PCDHA11: variants seen among roughly 807,000 people sequenced by gnomAD.
The protein encoded by PCDHA11 is protocadherin alpha 11.
A neutral mutation model predicts 70.3 loss-of-function variants in PCDHA11; 61 were observed. The ratio of observed to expected loss-of-function variants is 0.87; its 90% CI spans 0.71 to 1.07. The LOEUF (loss-of-function observed/expected upper bound fraction) is 1.07, where lower values mean the gene tolerates loss of function less well. Among genes scored for constraint, PCDHA11 ranks in the 50% least tolerant of loss-of-function variants. The pLI is 0.00. For missense variants in PCDHA11, 1,324 were observed against 1,237.5 expected (o/e 1.07, Z -1.05); for synonymous variants, 633 against 555.1 (o/e 1.14, Z -1.97).
At chr5:140,904,818 G>A (rs1186696681) in intron 1 of PCDHA11, among the ~76,000 whole-genome samples, 1 of 152,070 alleles carries the variant, frequency 6.6e-6, no homozygotes, top group Non-Finnish European at 1.5e-5. Flanking sequence ...GTGATGTTGA[G>A]CATTTTTTTA....
intron 1 of PCDHA11, among the ~76,000 whole-genome samples, chr5:140,923,304 G>A (rs933906504): frequency 6.6e-6 from 1 of 152,172 alleles, no homozygotes; most frequent in African/African-American, 2.4e-5. Context: ...TGGGCGTGGG[G>A]GCGCTTGGCC....
chr5:140,883,394 G>T, intron 1 of PCDHA11: 2 of 1,614,124 alleles, frequency 1.2e-6, no homozygotes, highest in South Asian at 2.2e-5. Context: ...CAGTGTGTCC[G>T]ATCGTGACTC....
At chr5:140,950,549 G>A (rs1023288540) in intron 1 of PCDHA11, among the ~76,000 whole-genome samples, 1 of 151,948 alleles carries the variant, frequency 6.6e-6, no homozygotes, top group African/African-American at 2.4e-5. Context: ...TGCATGGCTG[G>A]GGGGACACTT....
intron 1 of PCDHA11, chr5:140,929,259 G>A (rs782558603): frequency 4.7e-5 from 76 of 1,612,754 alleles, no homozygotes; most frequent in Non-Finnish European, 6.2e-5. Context: ...GGGTAGGACT[G>A]AATTTGCCAA....
intron 1 of PCDHA11, chr5:140,929,152 T>TA (rs1322546333): frequency 2.5e-6 from 4 of 1,614,072 alleles, no homozygotes; most frequent in Non-Finnish European, 3.4e-6. Flanking sequence ...TTCTCAGACT[T>TA]ATCTCTATCG....
chr5:140,979,048 C>T, intron 2 of PCDHA11, 41 bp downstream of exon 2: 2 of 1,611,774 alleles, frequency 1.2e-6, no homozygotes, highest in East Asian at 2.2e-5. Context: ...GTAACCTTAA[C>T]TTGGTATGGC....
At chr5:140,927,827 C>T (rs1554205116) in intron 1 of PCDHA11, 2 of 1,614,100 alleles carry the variant, frequency 1.2e-6, no homozygotes, top group South Asian at 2.2e-5. Flanking sequence ...TACATTGAGG[C>T]GAGGGACGAA....
rs376556447 is a variant in PCDHA11 at position 140,885,103 on chromosome 5, CT to C, written c.2391+13616del. On this transcript the variant is annotated intron_variant, in intron 1 of 3. Transcript: ENST00000398640. The stretch of plus-strand genomic sequence containing the variant: ...AGCCCCATAACTTTTCACATAAATG[CT>C]TTTTTTAAGTGCACTTTTCTTTCTT... Among the ~76,000 whole-genome samples the C allele has an allele frequency of 4.5e-3, 686 of 152,136 alleles. 2 individuals are homozygous for C. Among genetic ancestry groups the C allele is most frequent in the African/African-American group, 0.016 (664 of 41,518 alleles).
chr5:140,968,652 A>G, intron 1 of PCDHA11: 1 of 1,614,118 alleles, frequency 6.2e-7, no homozygotes, highest in Non-Finnish European at 8.5e-7. Context: ...CAGACTTCTG[A>G]CCTGGACCTC....
chr5:140,871,352 C>CT lies in PCDHA11; in HGVS notation c.2249_2250insT (p.Gln751AlafsTer10). The CT allele has an allele frequency of 6.2e-7, 1 of 1,614,210 alleles. No individual in the cohort carries two copies. The highest frequency in any genetic ancestry group is 1.1e-5 in the South Asian group (1 of 91,088). The stretch of plus-strand genomic sequence containing the variant: ...CGCGCGGTGGGGAGCTGGTCATACT[C>CT]GCAGCAGAGGCGGCAGAGGGTGTGC... On this transcript the variant is annotated frameshift_variant, in exon 1 of 4. Transcript: ENST00000398640. LOFTEE classifies it high-confidence loss of function.
chr5:140,871,445 A>C lies in PCDHA11; in HGVS notation c.2342A>C (p.Lys781Thr). 6.2e-7 allele frequency: 1 copy of C among 1,609,986 alleles called. No individual in the cohort carries two copies. The highest frequency in any genetic ancestry group is 8.5e-7 in the Non-Finnish European group (1 of 1,177,746). The change falls in exon 1 of 4, where the codon AAA becomes ACA. Residue 781 changes from lysine (K) to threonine (T), a missense_variant. Lys to Thr is a moderately conservative substitution (Grantham distance 78). Transcript: ENST00000398640. Reference sequence around the variant, plus strand: ...CCCAGTCTTCCTCTAGGTCTGAATAAAGAGGAGGAAGGGGAAAGACAGGAG... The same window carrying C: ...CCCAGTCTTCCTCTAGGTCTGAATACAGAGGAGGAAGGGGAAAGACAGGAG... ...FSPSLPLGLN[K>T]EEEGERQEPG...
intron 1 of PCDHA11, among the ~76,000 whole-genome samples, chr5:140,872,031 C>A (rs1383565952): frequency 6.6e-6 from 1 of 152,220 alleles, no homozygotes; most frequent in Non-Finnish European, 1.5e-5. Context: ...AACTGCTAAG[C>A]TCAAAGAATT....
intron 1 of PCDHA11, among the ~76,000 whole-genome samples, chr5:140,917,537 A>G (rs1433498846): frequency 2.0e-5 from 3 of 152,222 alleles, no homozygotes; most frequent in Middle Eastern, 3.2e-3. Flanking sequence ...GTATAGTTTT[A>G]GGTTTTACAT....
chr5:140,922,735 G>C (rs1370700616), intron 1 of PCDHA11, among the ~76,000 whole-genome samples: 1 of 152,078 alleles, frequency 6.6e-6, no homozygotes, highest in Non-Finnish European at 1.5e-5. Context: ...ACAAGGTTGA[G>C]AAAAATAAAT....
rs1554262683 is a variant in PCDHA11 at position 141,010,108 on chromosome 5, G to A, written c.*171G>A. 23 of 1,611,296 alleles carry A rather than the reference G, an allele frequency of 1.4e-5. No homozygotes were observed. Among genetic ancestry groups the A allele is most frequent in the East Asian group, 4.5e-5 (2 of 44,852 alleles). On this transcript the variant is annotated 3_prime_UTR_variant, in exon 4 of 4. Transcript: ENST00000398640. ...TAGAACGCATTTAACAGGTTTTGTC[G>A]TAAAAGCTTTACTAAGTCTGGTGTT...
intron 1 of PCDHA11, chr5:140,877,000 G>C: frequency 6.2e-7 from 1 of 1,612,598 alleles, no homozygotes; most frequent in Non-Finnish European, 8.5e-7. Flanking sequence ...CTACGTGTCG[G>C]TGCACGCGGA....
chr5:140,930,358 T>A (rs1253370170), intron 1 of PCDHA11: 1 of 152,216 alleles, frequency 6.6e-6, no homozygotes, highest in African/African-American at 2.4e-5. Context: ...AATATTTCAA[T>A]TTATCTGTTA....
Position 140,974,189 on chromosome 5 carries a change from G to T in PCDHA11, c.2392-4760G>T, listed in dbSNP as rs146863475. On this transcript the variant is annotated intron_variant, in intron 1 of 3. Transcript: ENST00000398640. ...AGAATTTTAACTTGACAAATGCAAA[G>T]GAATATCCAACATTGCAAAGGTAAA... Among the ~76,000 whole-genome samples the T allele has an allele frequency of 7.6e-3, 1,163 of 152,258 alleles. 4 individuals carry two copies. The highest frequency in any genetic ancestry group is 0.014 in the Middle Eastern group (4 of 294).
intron 1 of PCDHA11, among the ~76,000 whole-genome samples, chr5:140,888,156 A>G (rs556908449): frequency 6.6e-6 from 1 of 152,182 alleles, no homozygotes; most frequent in African/African-American, 2.4e-5. Flanking sequence ...CATGACTGGT[A>G]ATCTCTAATA....
Sources: gnomAD v4.1 joint callset for allele counts (sites outside exome capture counted in the v4.1 genomes callset) on GRCh38, gnomAD v4.1.1 for gene constraint, MANE v1.5 for transcripts, NCBI Gene and HGNC (gene_info 2026-07-23, HGNC 2026-07-21) for gene names.